ATRX: variants seen among roughly 807,000 people sequenced by gnomAD.
ATRX encodes the protein ATRX chromatin remodeler.
A neutral mutation model predicts 172.6 loss-of-function variants in ATRX; 12 were observed. The observed-to-expected ratio is 0.07, with a 90% CI of 0.04 to 0.11. ATRX has a LOEUF of 0.11. ATRX is among the 10% of genes least tolerant of loss of function. The pLI is 1.00. For missense variants in ATRX, 1,368 were observed against 1,767.4 expected (o/e 0.77, Z 4.05); for synonymous variants, 674 against 594.7 (o/e 1.13, Z -1.94).
rs958058348 is a variant in ATRX at position 77,752,602 on chromosome X, G to A, written c.20+33380C>T. Among the ~76,000 whole-genome samples, 11 of 112,087 alleles carry A rather than the reference G, an allele frequency of 9.8e-5. No homozygotes were observed. In the Middle Eastern group the frequency reaches 0.019, roughly 189 times the overall value. ...CCATTCAGTATGATACTGGCTATGGGTTGTCATAAATAGCTCTTATTATTT... is the reference window on the plus strand; with the variant it reads ...CCATTCAGTATGATACTGGCTATGGATTGTCATAAATAGCTCTTATTATTT... On this transcript the variant is annotated intron_variant, in intron 1 of 34. Transcript: ENST00000373344.
chrX:77,745,354 C>A (rs782319210), intron 1 of ATRX, among the ~76,000 whole-genome samples: 1 of 110,274 alleles, frequency 9.1e-6, no homozygotes, highest in Non-Finnish European at 1.9e-5. Flanking sequence ...CATCAACAGA[C>A]GGACGAATAA....
At chrX:77,762,623 T>C (rs1263603427) in intron 1 of ATRX, among the ~76,000 whole-genome samples, 1 of 111,180 alleles carries the variant, frequency 9.0e-6, no homozygotes, top group East Asian at 2.8e-4. Context: ...TCAACTATAC[T>C]AATATCTGTA....
At chrX:77,565,831 G>A (rs1412036776) in intron 28 of ATRX, among the ~76,000 whole-genome samples, 1 of 109,566 alleles carries the variant, frequency 9.1e-6, no homozygotes, top group African/African-American at 3.3e-5. Flanking sequence ...ACTCCAGCTT[G>A]GGCGAGAGTG....
intron 28 of ATRX, 140 bp from the exon 29 acceptor site, chrX:77,558,986 T>C (rs1439053349): frequency 2.1e-6 from 1 of 483,707 alleles, no homozygotes; most frequent in Non-Finnish European, 3.4e-6. Flanking sequence ...CTGAAGAAAA[T>C]AATATATTAT....
At chrX:77,632,679 G>T (rs2068166285) in intron 19 of ATRX, among the ~76,000 whole-genome samples, 1 of 112,065 alleles carries the variant, frequency 8.9e-6, no homozygotes, top group African/African-American at 3.2e-5. Flanking sequence ...TTTTAGTTTT[G>T]CAGACAGTAC....
Position 77,696,581 on chromosome X carries a change from T to C in ATRX, c.366A>G (p.Pro122=), listed in dbSNP as rs782564172. The C allele has an allele frequency of 2.1e-5, 25 of 1,204,208 alleles. No individual in the cohort carries two copies. The Admixed American group carries it at 2.8e-4, about 14-fold the overall frequency. Residue 122 remains proline (P), a synonymous_variant, in exon 5 of 35, where the codon CCA becomes CCG. Transcript: ENST00000373344. ...TGAAAAATTAACACACATTACCTTTTGGCAAGCTCTGCATAGTAATATCAT... is the reference window on the plus strand; with the variant it reads ...TGAAAAATTAACACACATTACCTTTCGGCAAGCTCTGCATAGTAATATCAT... ...SENDITMQSL[P]KGTVIVQPEP... is the part of the protein sequence containing the mutation.
At chrX:77,707,856 T>C (rs1291239866) in intron 2 of ATRX, among the ~76,000 whole-genome samples, 1 of 112,159 alleles carries the variant, frequency 8.9e-6, no homozygotes, top group African/African-American at 3.2e-5. Flanking sequence ...TTCAGGCAGT[T>C]GAAAACTAAA....
chrX:77,552,781 A>T (rs1234980425), intron 30 of ATRX, among the ~76,000 whole-genome samples: 1 of 110,918 alleles, frequency 9.0e-6, no homozygotes, highest in Admixed American at 9.6e-5. Flanking sequence ...ACTGAACAAG[A>T]AGAGAAATGG....
rs1557106699 is a variant in ATRX, at chrX:77,633,647, A to C, written c.4875T>G (p.Val1625=). 1 of 1,210,474 alleles carries C rather than the reference A, an allele frequency of 8.3e-7. No homozygotes were observed. ...AATTCAAAGCAGTATTAAGAGGACA[A>C]ACCACTAACGCCGTGCTGAAATCCA... The part of the protein sequence containing the change: ...DKLDFSTALV[V]CPLNTALNWM... The change falls in exon 18 of 35, where the codon GTT becomes GTG. Residue 1625 remains valine (V), a synonymous_variant. Transcript: ENST00000373344.
intron 15 of ATRX, among the ~76,000 whole-genome samples, chrX:77,641,358 G>A (rs782809959): frequency 1.4e-4 from 15 of 110,248 alleles, no homozygotes; most frequent in African/African-American, 4.3e-4. Flanking sequence ...TAGGTGAATC[G>A]CTTGAGCTCA....
rs782269520 is a variant in ATRX at position 77,633,281 on chromosome X, C to G, written c.5060G>C (p.Arg1687Thr). The G allele has an allele frequency of 8.3e-7, 1 of 1,208,087 alleles. No individual in the cohort carries two copies. Among genetic ancestry groups the G allele is most frequent in the South Asian group, 1.8e-5 (1 of 56,780 alleles). The change falls in exon 19 of 35, where the codon AGA becomes ACA. Residue 1687 changes from arginine (R) to threonine (T), a missense_variant. By Grantham distance (71) the Arg-to-Thr change is moderately conservative. Transcript: ENST00000373344. The part of the protein sequence containing the change: ...GVMIIGYEMY[R>T]NLAQGRNVKS... Reference sequence around the variant, plus strand: ...CACATTCCTTCCTTGAGCAAGATTTCTATACATCTCATAGCCTATGATCAT... The same window carrying G: ...CACATTCCTTCCTTGAGCAAGATTTGTATACATCTCATAGCCTATGATCAT...
intron 27 of ATRX, among the ~76,000 whole-genome samples, chrX:77,583,642 C>T (rs1265817246): frequency 9.0e-6 from 1 of 111,301 alleles, no homozygotes; most frequent in Non-Finnish European, 1.9e-5. Context: ...AAGGAACATA[C>T]CTCAAAAATA....
chrX:77,689,515 C>A (rs2071768791), intron 6 of ATRX, among the ~76,000 whole-genome samples: 1 of 112,236 alleles, frequency 8.9e-6, no homozygotes, highest in Non-Finnish European at 1.9e-5. Flanking sequence ...CACTCCATAT[C>A]AATACTGTCT....
At position 77,780,939 on chromosome X, in the gene ATRX, A is replaced by C. The variant is rs180928552; in HGVS notation, c.20+5043T>G. 1.8e-4 allele frequency among the ~76,000 whole-genome samples: 20 copies of C among 109,387 alleles called. No individual in the cohort carries two copies. In the Admixed American group the frequency reaches 1.9e-3, roughly 10 times the overall value. The allele number at this position is 109,387 out of a possible 115,157, so 95.0% of individuals were successfully genotyped here. ...TTGGGTGACAGTGAGACCTTGTCCC[A>C]AAAAAAAATTAATGCTACAGACCAT... On this transcript the variant is annotated intron_variant, in intron 1 of 34. Coordinates refer to ENST00000373344, the MANE Select transcript of ATRX (RefSeq NM_000489.6).
At chrX:77,586,012 T>G (rs1177967210) in intron 27 of ATRX, among the ~76,000 whole-genome samples, 1 of 111,038 alleles carries the variant, frequency 9.0e-6, no homozygotes, top group Non-Finnish European at 1.9e-5. Context: ...GTGGTTGGGG[T>G]GGAAGTACTG....
intron 1 of ATRX, among the ~76,000 whole-genome samples, chrX:77,735,694 C>T (rs782212650): frequency 7.9e-4 from 75 of 94,924 alleles, no homozygotes; most frequent in African/African-American, 2.8e-3. Context: ...CCCAGCTACT[C>T]GGGAGGCTGA....
At chrX:77,667,661 A>T (rs1557127152) in intron 10 of ATRX, among the ~76,000 whole-genome samples, 1 of 111,882 alleles carries the variant, frequency 8.9e-6, no homozygotes, top group African/African-American at 3.2e-5. Flanking sequence ...CAATACATAA[A>T]CCTACTTAAT....
intron 27 of ATRX, among the ~76,000 whole-genome samples, chrX:77,580,181 C>CA (rs1295302387): frequency 1.8e-5 from 2 of 110,953 alleles, no homozygotes; most frequent in African/African-American, 6.5e-5. Context: ...AAAATAGCTA[C>CA]AAAAAAAGCA....
At chrX:77,674,948 T>C (rs1057397223) in intron 10 of ATRX, 1 of 111,688 alleles carries the variant, frequency 9.0e-6, no homozygotes, top group Non-Finnish European at 1.9e-5. Context: ...AGAATCTGAA[T>C]ATTTGTGTCC....
Sources: gnomAD v4.1 joint callset for allele counts (sites outside exome capture counted in the v4.1 genomes callset) on GRCh38, gnomAD v4.1.1 for gene constraint, MANE v1.5 for transcripts, NCBI Gene and HGNC (gene_info 2026-07-23, HGNC 2026-07-21) for gene names.